MPP4: variants seen among roughly 807,000 people sequenced by gnomAD.
MPP4 encodes the protein MAGUK p55 subfamily member 4.
MPP4 carries 91 observed loss-of-function variants against 98.3 expected under a neutral mutation model. That is an observed-to-expected ratio of 0.93 (90% CI 0.78 to 1.10). The LOEUF (loss-of-function observed/expected upper bound fraction) is 1.10, where lower values mean the gene tolerates loss of function less well. Ranked by LOEUF, MPP4 falls within the 50% of genes least tolerant of loss-of-function variation. MPP4 has a pLI of 0.00. For missense variants in MPP4, 744 were observed against 792.9 expected (o/e 0.94, Z 0.74); for synonymous variants, 261 against 271.8 (o/e 0.96, Z 0.39).
intron 12 of MPP4, among the ~76,000 whole-genome samples, chr2:201,667,760 C>A (rs1365603050): frequency 6.6e-6 from 1 of 152,150 alleles, no homozygotes; most frequent in Non-Finnish European, 1.5e-5. Flanking sequence ...ATAAGCTACA[C>A]TATAAGGTAA....
intron 21 of MPP4, 40 bp from the exon 22 acceptor site, chr2:201,645,444 A>G: frequency 6.7e-7 from 1 of 1,502,434 alleles, no homozygotes; most frequent in Non-Finnish European, 9.1e-7. Context: ...TACAGACTTA[A>G]TTGGACAAAT....
intron 10 of MPP4, among the ~76,000 whole-genome samples, chr2:201,675,629 T>G (rs543759663): frequency 6.6e-6 from 1 of 152,198 alleles, no homozygotes; most frequent in Non-Finnish European, 1.5e-5. Flanking sequence ...TCTCATGACA[T>G]GTTCAGGTTT....
chr2:201,698,114 T>C (rs1689245081), intron 1 of MPP4: 7 of 992,872 alleles, frequency 7.1e-6, no homozygotes, highest in Middle Eastern at 1.0e-3. Context: ...GTGTGACTGA[T>C]GCCTAAGGAA....
chr2:201,669,725 T>C lies in MPP4; in HGVS notation c.1012+8A>G, dbSNP rs1204156883. ...GATAAGAGTTTTTTCCTAAATACTA[T>C]TTCTTACCTTCTTCCATAGAAATTG... On this transcript the variant is annotated splice_region_variant and intron_variant, in intron 12 of 21. Coordinates refer to ENST00000409474, the MANE Select transcript of MPP4 (RefSeq NM_033066.3). The C allele has an allele frequency of 1.0e-5, 15 of 1,436,928 alleles. No individual in the cohort carries two copies. Among genetic ancestry groups the C allele is most frequent in the Non-Finnish European group, 1.4e-5 (15 of 1,083,354 alleles). The allele number at this position is 1,436,928 out of a possible 1,614,324, so 89.0% of individuals were successfully genotyped here.
chr2:201,682,512 C>G (rs1242209710), intron 8 of MPP4, among the ~76,000 whole-genome samples: 1 of 152,186 alleles, frequency 6.6e-6, no homozygotes, highest in Non-Finnish European at 1.5e-5. Context: ...TCTGTCCACC[C>G]CAGGTTCAGT....
chr2:201,691,002 G>A (rs556636121), intron 3 of MPP4, among the ~76,000 whole-genome samples: 3 of 152,154 alleles, frequency 2.0e-5, no homozygotes, highest in Admixed American at 6.5e-5. Flanking sequence ...CCAAGGGGCC[G>A]GCTGAGCCCC....
intron 18 of MPP4, among the ~76,000 whole-genome samples, chr2:201,653,107 T>C (rs927125356): frequency 6.6e-6 from 1 of 152,152 alleles, no homozygotes; most frequent in Admixed American, 6.5e-5. Context: ...GCAGGAATCA[T>C]ATAACCCTGG....
chr2:201,686,088 C>T, intron 5 of MPP4, 38 bp from the exon 6 acceptor site: 3 of 1,603,926 alleles, frequency 1.9e-6, no homozygotes, highest in African/African-American at 1.3e-5. Context: ...AAATGTCACA[C>T]ATGGGCCAAA....
At chr2:201,645,498 CTA>C (rs1422612457) in intron 21 of MPP4, 94 bp from the exon 22 acceptor site, 10 of 1,083,170 alleles carry the variant, frequency 9.2e-6, no homozygotes, top group East Asian at 5.5e-5. Flanking sequence ...AGTTGTGAAA[CTA>C]TGTATAAAAA....
intron 11 of MPP4, among the ~76,000 whole-genome samples, chr2:201,670,461 A>G (rs1482035184): frequency 2.0e-5 from 3 of 152,226 alleles, no homozygotes; most frequent in Non-Finnish European, 2.9e-5. Flanking sequence ...TCCAAACCTG[A>G]GGCTCGTGGA....
chr2:201,664,041 A>G (rs577448116), intron 14 of MPP4, 40 bp downstream of exon 14: 3 of 1,392,220 alleles, frequency 2.2e-6, no homozygotes, highest in East Asian at 5.0e-5. Context: ...TTTAGAATAT[A>G]CATTTAAAAA....
chr2:201,692,841 G>A, intron 3 of MPP4, 67 bp downstream of exon 3: 1 of 1,568,904 alleles, frequency 6.4e-7, no homozygotes, highest in Non-Finnish European at 8.6e-7. Flanking sequence ...GACTGAAGCT[G>A]TCATTTTCTA....
intron 1 of MPP4, among the ~76,000 whole-genome samples, chr2:201,697,572 A>C (rs746906762): frequency 6.6e-6 from 1 of 152,178 alleles, no homozygotes. Flanking sequence ...GGGGTAGAAC[A>C]AGGAGAGGCC....
intron 7 of MPP4, 42 bp from the exon 8 acceptor site, chr2:201,682,958 G>A (rs1688706401): frequency 1.3e-6 from 2 of 1,541,670 alleles, no homozygotes; most frequent in East Asian, 2.2e-5. Context: ...ATACAAAGAA[G>A]TAGGATAAAA....
At chr2:201,660,504 C>T (rs1284881218) in intron 14 of MPP4, among the ~76,000 whole-genome samples, 158 bp from the exon 15 acceptor site, 1 of 152,172 alleles carries the variant, frequency 6.6e-6, no homozygotes, top group African/African-American at 2.4e-5. Flanking sequence ...AAATGATCAC[C>T]ACATGATTGG....
intron 20 of MPP4, 65 bp from the exon 21 acceptor site, chr2:201,647,890 C>T: frequency 1.3e-6 from 2 of 1,492,696 alleles, no homozygotes; most frequent in Non-Finnish European, 1.8e-6. Flanking sequence ...TGGTCTTGCT[C>T]TGTCACCCAG....
chr2:201,681,696 G>A, intron 8 of MPP4, 129 bp from the exon 9 acceptor site: 1 of 685,306 alleles, frequency 1.5e-6, no homozygotes. Context: ...TTTCACAAGG[G>A]CTCTGCAGCT....
At chr2:201,665,063 CTT>C (rs397868302) in intron 13 of MPP4, 10 of 113,000 alleles carry the variant, frequency 8.8e-5, no homozygotes, top group East Asian at 2.8e-4. Flanking sequence ...TACATCATTG[CTT>C]TTTTTTTTTT....
At chr2:201,678,940 T>G (rs1347927998) in intron 10 of MPP4, among the ~76,000 whole-genome samples, 1 of 152,108 alleles carries the variant, frequency 6.6e-6, no homozygotes, top group Non-Finnish European at 1.5e-5. Context: ...TATTGGGTGC[T>G]TGATCTCCTC....
Sources: allele counts gnomAD v4.1 joint callset (sites outside exome capture counted in the v4.1 genomes callset), GRCh38; gene constraint gnomAD v4.1.1; transcripts MANE v1.5; gene names NCBI Gene and HGNC (gene_info 2026-07-23, HGNC 2026-07-21).